Variants in AGMO observed in about 807,000 individuals in gnomAD.
The protein encoded by AGMO is alkylglycerol monooxygenase, also known as glyceryl-ether monooxygenase.
In AGMO, 75 loss-of-function variants were observed where a neutral mutation model predicts 60.2. That is an observed-to-expected ratio of 1.25 (90% CI 1.03 to 1.51). AGMO has a LOEUF of 1.51. Ranked by LOEUF, AGMO falls within the 40% of genes most tolerant of loss-of-function variation. The pLI is 0.00. For missense variants in AGMO, 763 were observed against 525.5 expected, an observed-to-expected ratio of 1.45 and a Z score of -4.42; for synonymous variants, 261 against 177.1, an observed-to-expected ratio of 1.47 and a Z score of -3.76.
Position 15,430,918 on chromosome 7 carries a change from G to GTTT in AGMO, c.513+84_513+86dup, listed in dbSNP as rs71004378. The GTTT allele has an allele frequency of 2.7e-3, 1,059 of 394,724 alleles. 13 individuals are homozygous for GTTT. The highest frequency in any genetic ancestry group is 7.0e-3 in the East Asian group (166 of 23,682). The allele number at this position is 394,724 out of a possible 1,614,324, so 24.5% of individuals were successfully genotyped here. On this transcript the variant is annotated intron_variant, in intron 4 of 12. Coordinates refer to ENST00000342526, the MANE Select transcript of AGMO (RefSeq NM_001004320.2). ...CATTTTAGTAAAACACCTTCTATTA[G>GTTT]TTTTTTTTTTTTTTTGAGGAAATAG...
At chr7:15,159,241 A>G in the AGMO span, among the ~76,000 whole-genome samples, 1 of 152,214 alleles carries the variant, frequency 6.6e-6, no homozygotes, top group African/African-American at 2.4e-5. Flanking sequence ...TCAAGGGGAT[A>G]GGGAAATGTA....
At chr7:15,299,883 ACAC>A (rs1563075573) in intron 12 of AGMO, among the ~76,000 whole-genome samples, 4,341 of 112,598 alleles carry the variant, frequency 0.039, 293 homozygotes, top group African/African-American at 0.15. Context: ...ACACACACAC[ACAC>A]AGTATGTTTT....
chr7:15,188,776 T>TAGTA, the AGMO span, among the ~76,000 whole-genome samples: 131,494 of 151,816 alleles, frequency 0.87, 57,175 homozygotes, highest in East Asian at 1. Context: ...ACAGTGTGGT[T>TAGTA]AGTGTCAGAT....
chr7:15,466,747 G>C (rs1215792644), intron 3 of AGMO, among the ~76,000 whole-genome samples: 1 of 152,130 alleles, frequency 6.6e-6, no homozygotes, highest in Non-Finnish European at 1.5e-5. Context: ...TATTTGTAAA[G>C]CATTTCAAAT....
intron 3 of AGMO, among the ~76,000 whole-genome samples, chr7:15,479,436 C>G (rs1365411055): frequency 6.6e-6 from 1 of 152,240 alleles, no homozygotes; most frequent in East Asian, 1.9e-4. Flanking sequence ...GCCTTAAGGT[C>G]GTAAGACTAG....
At chr7:15,349,596 T>G (rs10278501) in intron 12 of AGMO, among the ~76,000 whole-genome samples, 83,637 of 151,880 alleles carry the variant, frequency 0.55, 24,422 homozygotes, top group African/African-American at 0.77. Flanking sequence ...TCTCAGTGAA[T>G]TAATATACAA....
the AGMO span, among the ~76,000 whole-genome samples, chr7:15,142,258 C>T: frequency 6.6e-6 from 1 of 152,150 alleles, no homozygotes; most frequent in African/African-American, 2.4e-5. Context: ...ATCCCACAGG[C>T]TTGGTGGGAA....
chr7:15,497,763 C>T (rs1014110025), intron 3 of AGMO, among the ~76,000 whole-genome samples: 1 of 151,974 alleles, frequency 6.6e-6, no homozygotes, highest in South Asian at 2.1e-4. Context: ...TTACTAAAAT[C>T]GAAAGCCTAC....
At chr7:15,180,669 C>A in the AGMO span, among the ~76,000 whole-genome samples, 2 of 152,192 alleles carry the variant, frequency 1.3e-5, 1 homozygote, top group East Asian at 3.9e-4. Flanking sequence ...GTCTGTTCTT[C>A]CAAATTCTTC....
chr7:15,484,085 T>C (rs1782844871), intron 3 of AGMO, among the ~76,000 whole-genome samples: 1 of 152,112 alleles, frequency 6.6e-6, no homozygotes, highest in African/African-American at 2.4e-5. Context: ...CATATAGTTC[T>C]AATATACGAA....
intron 12 of AGMO, among the ~76,000 whole-genome samples, chr7:15,254,106 C>A (rs914911689): frequency 6.6e-6 from 1 of 151,944 alleles, no homozygotes; most frequent in African/African-American, 2.4e-5. Context: ...TCCATATTTT[C>A]TTTTTATTCT....
chr7:15,431,759 T>C (rs1781246219), intron 3 of AGMO, among the ~76,000 whole-genome samples: 1 of 151,894 alleles, frequency 6.6e-6, no homozygotes, highest in African/African-American at 2.4e-5. Flanking sequence ...CACATAGTTT[T>C]ATCTGTGTTC....
At chr7:15,271,094 A>C (rs1193722771) in intron 12 of AGMO, among the ~76,000 whole-genome samples, 2 of 152,116 alleles carry the variant, frequency 1.3e-5, no homozygotes, top group Non-Finnish European at 2.9e-5. Context: ...ATTTGAACTC[A>C]GGGAATAAGA....
intron 12 of AGMO, among the ~76,000 whole-genome samples, chr7:15,276,447 C>T (rs1783790415): frequency 1.3e-5 from 2 of 151,900 alleles, no homozygotes; most frequent in Non-Finnish European, 2.9e-5. Flanking sequence ...TGATGTTTCT[C>T]TCTAGCTGCT....
intron 2 of AGMO, among the ~76,000 whole-genome samples, chr7:15,551,909 A>G (rs1428126357): frequency 6.6e-6 from 1 of 151,708 alleles, no homozygotes; most frequent in Non-Finnish European, 1.5e-5. Context: ...ACACTACCTG[A>G]CTTCAAACTA....
chr7:15,221,896 G>T (rs1418120710), intron 12 of AGMO, among the ~76,000 whole-genome samples: 1 of 152,046 alleles, frequency 6.6e-6, no homozygotes, highest in Non-Finnish European at 1.5e-5. Context: ...AACAATTTCT[G>T]TATGTAAAAG....
At chr7:15,476,566 T>C (rs1782597814) in intron 3 of AGMO, among the ~76,000 whole-genome samples, 1 of 152,042 alleles carries the variant, frequency 6.6e-6, no homozygotes, top group Non-Finnish European at 1.5e-5. Flanking sequence ...ACAATCTGGG[T>C]TTGTGGTGAT....
intron 10 of AGMO, among the ~76,000 whole-genome samples, chr7:15,379,481 A>G (rs1007570310): frequency 2.6e-5 from 4 of 152,112 alleles, no homozygotes; most frequent in African/African-American, 9.7e-5. Context: ...TATTATGAAC[A>G]CTTACATGCA....
At chr7:15,352,350 A>G (rs535616318) in intron 12 of AGMO, among the ~76,000 whole-genome samples, 2 of 152,216 alleles carry the variant, frequency 1.3e-5, no homozygotes, top group African/African-American at 4.8e-5. Flanking sequence ...ACCGCCTGAA[A>G]CTGCAGCTGT....
Sources: gnomAD v4.1 joint callset for allele counts (sites outside exome capture counted in the v4.1 genomes callset) on GRCh38, gnomAD v4.1.1 for gene constraint, MANE v1.5 for transcripts, NCBI Gene and HGNC (gene_info 2026-07-23, HGNC 2026-07-21) for gene names.